RDH10: variants seen among roughly 807,000 people sequenced by gnomAD.
The protein encoded by RDH10 is retinol dehydrogenase 10 (all-trans).
RDH10 carries 12 observed loss-of-function variants against 30.2 expected under a neutral mutation model. The observed-to-expected ratio is 0.40, with a 90% confidence interval of 0.25 to 0.64. The LOEUF is 0.64. Ranked by LOEUF, RDH10 falls within the 30% of genes least tolerant of loss-of-function variation. The pLI is 0.43. For synonymous variants in RDH10, 189 were observed against 172.2 expected, an observed-to-expected ratio of 1.10 and a Z score of -0.76; for missense variants, 268 against 445.2, an observed-to-expected ratio of 0.60 and a Z score of 3.58.
At chr8:73,299,571 T>C (rs759429637) in intron 2 of RDH10, among the ~76,000 whole-genome samples, 17 of 152,192 alleles carry the variant, frequency 1.1e-4, no homozygotes, top group Non-Finnish European at 2.1e-4. Context: ...GTAGGTTCAT[T>C]ATGAACCGCA....
In RDH10 at chr8:73,297,602, T is replaced by C. The variant is rs1814290330; in HGVS notation, c.525+173T>C. 11 of 557,554 alleles carry C rather than the reference T, an allele frequency of 2.0e-5. No homozygotes were observed. The South Asian group carries it at 2.0e-4, about 10-fold the overall frequency. 34.5% of individuals were successfully genotyped at this position (557,554 alleles called of 1,614,324 possible). A position where few individuals can be genotyped will look rare whatever the true frequency, so the allele number is the denominator to read the frequency against. On this transcript the variant is annotated intron_variant, in intron 2 of 5. Transcript: ENST00000240285. ...ATGCTGGTTACTGTTAGTCGTTTTG[T>C]CCCCGCCCACCCCCCCGCCACCCCT...
chr8:73,301,892 A>G (rs540069913), intron 2 of RDH10, among the ~76,000 whole-genome samples: 2 of 152,282 alleles, frequency 1.3e-5, no homozygotes, highest in East Asian at 3.9e-4. Flanking sequence ...CCTGTCCCAC[A>G]TGTGTTCTGA....
At position 73,322,590 on chromosome 8, in the gene RDH10, A is replaced by T. The variant is rs145964970; in HGVS notation, c.771-89A>T. On this transcript the variant is annotated intron_variant, in intron 4 of 5. Coordinates refer to ENST00000240285, the MANE Select transcript of RDH10 (RefSeq NM_172037.5). ...ATGTACCCAAAATCCCATCACTCAGATAACATCACTGTTAATGTTTTGATA... is the reference window on the plus strand; with the variant it reads ...ATGTACCCAAAATCCCATCACTCAGTTAACATCACTGTTAATGTTTTGATA... The T allele has an allele frequency of 4.5e-4, 497 of 1,095,386 alleles. 3 individuals are homozygous for T. In the African/African-American group the frequency reaches 6.9e-3, roughly 15 times the overall value. The allele number at this position is 1,095,386 out of a possible 1,614,324, so 67.9% of individuals were successfully genotyped here. A position where few individuals can be genotyped will look rare whatever the true frequency, so the allele number is the denominator to read the frequency against.
intron 2 of RDH10, among the ~76,000 whole-genome samples, chr8:73,303,203 T>A (rs1814409426): frequency 6.6e-6 from 1 of 152,244 alleles, no homozygotes; most frequent in Non-Finnish European, 1.5e-5. Flanking sequence ...CAGCTAGATC[T>A]GAGTAATGTA....
chr8:73,322,712 G>A lies in RDH10; in HGVS notation c.804G>A (p.Lys268=), dbSNP rs759651483. Residue 268 remains lysine, a synonymous_variant, in exon 5 of 6, where the codon AAG becomes AAA. Coordinates refer to ENST00000240285, the MANE Select transcript of RDH10 (RefSeq NM_172037.5). ...TTGAGCCTTTTCTGCCACCTCTGAA[G>A]CCTGATTACTGTGTGAAGCAGGCCA... ...KEIEPFLPPL[K]PDYCVKQAMK... is the part of the protein sequence containing the mutation. 2.5e-6 allele frequency: 4 copies of A among 1,614,074 alleles called. No individual in the cohort carries two copies. In the South Asian group the frequency reaches 4.4e-5, roughly 18 times the overall value.
chr8:73,323,407 CT>C lies in RDH10; in HGVS notation c.*373del. 5.7e-6 allele frequency: 1 copy of C among 176,736 alleles called. No homozygotes were observed. The highest frequency in any genetic ancestry group is 1.2e-5 in the Non-Finnish European group (1 of 80,498). 10.9% of individuals were successfully genotyped at this position (176,736 alleles called of 1,614,324 possible). ...TCAGAATTCCCAGAGTTTACTCATT[CT>C]TGTTATTAAACTCTAGCCAGTTGAC... On this transcript the variant is annotated 3_prime_UTR_variant, in exon 6 of 6. Coordinates refer to ENST00000240285, the MANE Select transcript of RDH10 (RefSeq NM_172037.5).
chr8:73,308,807 A>G (rs563457396), intron 2 of RDH10, among the ~76,000 whole-genome samples: 24 of 151,974 alleles, frequency 1.6e-4, no homozygotes, highest in African/African-American at 5.1e-4. Flanking sequence ...GGGAACAGAA[A>G]GAGGATCAAT....
chr8:73,316,532 C>A (rs1189146605), intron 2 of RDH10, among the ~76,000 whole-genome samples: 1 of 152,144 alleles, frequency 6.6e-6, no homozygotes, highest in Non-Finnish European at 1.5e-5. Flanking sequence ...GAAATACAAT[C>A]AAGCTGAAAC....
chr8:73,310,877 A>G (rs1156390794), intron 2 of RDH10: 2 of 152,258 alleles, frequency 1.3e-5, no homozygotes, highest in African/African-American at 4.8e-5. Flanking sequence ...GGACTCAAGT[A>G]AAACGGAAGA....
intron 2 of RDH10, chr8:73,312,933 C>T (rs1586192857): frequency 6.6e-6 from 1 of 152,292 alleles, no homozygotes; most frequent in East Asian, 1.9e-4. Flanking sequence ...CGTGTATGTG[C>T]ACAAAAATAA....
chr8:73,296,629 T>G (rs1172662686), intron 1 of RDH10, among the ~76,000 whole-genome samples: 2 of 152,212 alleles, frequency 1.3e-5, no homozygotes, highest in Non-Finnish European at 2.9e-5. Flanking sequence ...GTGAGAGTAC[T>G]TCTTAGAGGA....
In RDH10 at chr8:73,300,787, A is replaced by G. The variant is rs375761143; in HGVS notation, c.525+3358A>G. 5.4e-4 allele frequency among the ~76,000 whole-genome samples: 83 copies of G among 152,314 alleles called. No homozygotes were observed. The South Asian group carries it at 0.013, about 24-fold the overall frequency. On this transcript the variant is annotated intron_variant, in intron 2 of 5. Coordinates refer to ENST00000240285, the MANE Select transcript of RDH10 (RefSeq NM_172037.5). ...CTTTTAAGGTGTAGCTCAAGTTTCA[A>G]TATAACCTTTCCTTCCCACTGCAGC...
At chr8:73,305,060 G>T (rs1395847186) in intron 2 of RDH10, among the ~76,000 whole-genome samples, 3 of 152,200 alleles carry the variant, frequency 2.0e-5, no homozygotes. Flanking sequence ...TGTCAAAGTG[G>T]AAGCATTGTG....
intron 2 of RDH10, among the ~76,000 whole-genome samples, chr8:73,316,437 A>C (rs1814666393): frequency 6.6e-6 from 1 of 152,240 alleles, no homozygotes; most frequent in Non-Finnish European, 1.5e-5. Context: ...TAATAACCTG[A>C]AGTACCAGTT....
rs1814806300 is a variant in RDH10, at chr8:73,323,576, G to C, written c.*540G>C. On this transcript the variant is annotated 3_prime_UTR_variant, in exon 6 of 6. Coordinates refer to ENST00000240285, the MANE Select transcript of RDH10 (RefSeq NM_172037.5). ...AATTTTGAAATCTCCATCAACTGAA[G>C]TAAATGATGTCTGAGTGTTACAGTA... is the stretch of plus-strand genomic sequence containing the variant. 2 of 153,418 alleles carry C rather than the reference G, an allele frequency of 1.3e-5. No homozygotes were observed. Among genetic ancestry groups the C allele is most frequent in the African/African-American group, 4.8e-5 (2 of 41,504 alleles). 9.5% of individuals were successfully genotyped at this position (153,418 alleles called of 1,614,324 possible). A position where few individuals can be genotyped will look rare whatever the true frequency, so the allele number is the denominator to read the frequency against.
intron 2 of RDH10, among the ~76,000 whole-genome samples, chr8:73,307,039 G>A (rs1814476674): frequency 1.3e-5 from 2 of 152,124 alleles, no homozygotes; most frequent in Non-Finnish European, 2.9e-5. Flanking sequence ...CAGTCTCTTG[G>A]GAAAGAGAAG....
At chr8:73,295,789 C>T in intron 1 of RDH10, 1 of 1,028,500 alleles carries the variant, frequency 9.7e-7, no homozygotes, top group Non-Finnish European at 1.3e-6. Context: ...CCTGTCCTCG[C>T]GGAGGTTCGG....
chr8:73,302,435 C>T (rs1301376891), intron 2 of RDH10, among the ~76,000 whole-genome samples: 1 of 152,150 alleles, frequency 6.6e-6, no homozygotes, highest in Non-Finnish European at 1.5e-5. Flanking sequence ...CCTGTAATCC[C>T]AACACTTTGG....
rs1254063946 is a variant in RDH10, at chr8:73,295,047, G to T, written c.-243G>T. Reference sequence around the variant, plus strand: ...GGCTGCCGGCAGGAGGCGCCGAGCCGGGTGACTGCCGCGGCGGGCACAGTC... The same window carrying T: ...GGCTGCCGGCAGGAGGCGCCGAGCCTGGTGACTGCCGCGGCGGGCACAGTC... On this transcript the variant is annotated 5_prime_UTR_variant, in exon 1 of 6. Transcript: ENST00000240285. 5 of 340,120 alleles carry T rather than the reference G, an allele frequency of 1.5e-5. No individual in the cohort carries two copies. The highest frequency in any genetic ancestry group is 1.1e-4 in the African/African-American group (5 of 46,188). 21.1% of individuals were successfully genotyped at this position (340,120 alleles called of 1,614,324 possible).
Sources: allele counts gnomAD v4.1 joint callset (sites outside exome capture counted in the v4.1 genomes callset), GRCh38; gene constraint gnomAD v4.1.1; transcripts MANE v1.5; gene names NCBI Gene and HGNC (gene_info 2026-07-23, HGNC 2026-07-21).